HMCN2: variants seen among roughly 807,000 people sequenced by gnomAD.
The protein encoded by HMCN2 is hemicentin 2, also known as hemicentin-2.
Under a neutral mutation model 377.5 loss-of-function variants are expected in HMCN2, and 325 were observed. The observed-to-expected ratio is 0.86, with a 90% CI of 0.79 to 0.94. HMCN2 has a LOEUF of 0.94. Among genes scored for constraint, HMCN2 ranks in the 40% least tolerant of loss-of-function variants. HMCN2 has a pLI of 0.00. For synonymous variants in HMCN2, 2,007 were observed against 2,046.8 expected, an observed-to-expected ratio of 0.98 and a Z score of 0.53; for missense variants, 4,543 against 4,725.3, an observed-to-expected ratio of 0.96 and a Z score of 1.13.
At chr9:130,431,346 C>T (rs750004333) in intron 95 of HMCN2, 21 bp from the exon 96 acceptor site, 1 of 1,547,262 alleles carries the variant, frequency 6.5e-7, no homozygotes, top group African/African-American at 1.4e-5. Flanking sequence ...CCCACCTGCC[C>T]CACCCCCATG....
Position 130,354,932 on chromosome 9 carries a change from C to A in HMCN2, c.5034C>A (p.Asp1678Glu), listed in dbSNP as rs142117460. The change falls in exon 32 of 98, where the codon GAC becomes GAA. Residue 1678 changes from aspartate (D) to glutamate (E), a missense_variant. Physicochemically the swap from Asp to Glu is conservative, Grantham distance 45. This residue lies in a region of HMCN2 where 1,032 missense variants were observed against 1,285.1 expected (regional missense o/e 0.80). Coordinates refer to ENST00000683500, the MANE Select transcript of HMCN2 (RefSeq NM_001291815.2). The part of the protein sequence containing the change: ...AESNESRLET[D>E]GSVLRLESPG... The stretch of plus-strand genomic sequence containing the variant: ...GCAACGAGTCGCGGCTGGAGACAGA[C>A]GGGAGTGTGCTGAGGCTGGAGAGCC... 7.7e-7 allele frequency: 1 copy of A among 1,303,602 alleles called. No homozygotes were observed. The highest frequency in any genetic ancestry group is 1.5e-5 in the African/African-American group (1 of 65,872). The allele number at this position is 1,303,602 out of a possible 1,614,324, so 80.8% of individuals were successfully genotyped here.
chr9:130,396,242 G>C lies in HMCN2; in HGVS notation c.11127G>C (p.Gln3709His). 2.3e-6 allele frequency: 3 copies of C among 1,287,186 alleles called. No homozygotes were observed. Among genetic ancestry groups the C allele is most frequent in the Non-Finnish European group, 3.0e-6 (3 of 986,640 alleles). The allele number at this position is 1,287,186 out of a possible 1,614,324, so 79.7% of individuals were successfully genotyped here. ...ACCAGACAGCCCTGCTGCCTTGCCA[G>C]GCCGACGGCGTGCCCGCACCCCTCG... ...SVNQTALLPC[Q>H]ADGVPAPLVS... The change falls in exon 73 of 98, where the codon CAG becomes CAC. Residue 3709 changes from glutamine to histidine, a missense_variant. Gln to His is a conservative substitution (Grantham distance 24). Coordinates refer to ENST00000683500, the MANE Select transcript of HMCN2 (RefSeq NM_001291815.2).
chr9:130,385,128 C>G (rs368495898), intron 59 of HMCN2, among the ~76,000 whole-genome samples: 1 of 152,132 alleles, frequency 6.6e-6, no homozygotes, highest in African/African-American at 2.4e-5. Context: ...TTTCTAGCCC[C>G]GGGGCTGGTC....
At chr9:130,378,050 G>A (rs1056293099) in intron 53 of HMCN2, among the ~76,000 whole-genome samples, 1 of 152,056 alleles carries the variant, frequency 6.6e-6, no homozygotes. Context: ...TGGTCTGGTT[G>A]AGCCAGAACG....
intron 1 of HMCN2, 121 bp downstream of exon 1, chr9:130,266,258 G>T: frequency 2.8e-6 from 1 of 357,256 alleles, no homozygotes; most frequent in Non-Finnish European, 5.5e-6. Context: ...CTTGGCGGGC[G>T]CGCCTTCTCG....
At chr9:130,312,582 TTCTTTCTTTCTTTC>T (rs1837322523) in intron 15 of HMCN2, among the ~76,000 whole-genome samples, 1 of 94,238 alleles carries the variant, frequency 1.1e-5, no homozygotes, top group Non-Finnish European at 2.1e-5. Flanking sequence ...CTTTCTTTCT[TTCTTTCTTTCTTTC>T]TTTCTTTCTT....
In HMCN2 at chr9:130,347,692, TG is replaced by T. The variant is rs1298027330; in HGVS notation, c.4024+333del. Reference sequence around the variant, plus strand: ...GCACCTGGAATTCCATCAGTGTCTTTGAGATTGGTCTAGAGGTGAAGGCATT... The same window carrying T: ...GCACCTGGAATTCCATCAGTGTCTTTAGATTGGTCTAGAGGTGAAGGCATT... On this transcript the variant is annotated intron_variant, in intron 26 of 97. Coordinates refer to ENST00000683500, the MANE Select transcript of HMCN2 (RefSeq NM_001291815.2). The surrounding 1 kb of genome is among the most constrained non-coding windows in gnomAD (Gnocchi z 5.1). Among the ~76,000 whole-genome samples, 1 of 151,950 alleles carries T rather than the reference TG, an allele frequency of 6.6e-6. No homozygotes were observed. The highest frequency in any genetic ancestry group is 2.4e-5 in the African/African-American group (1 of 41,360).
rs1013697315 is a variant in HMCN2 at position 130,379,372 on chromosome 9, T to A, written c.8336T>A (p.Leu2779Gln). ...ATCGTGGAGAACAACCCAGCCTACC[T>A]GTACTGCGACACCAACGCGATCCCA... ...REIVENNPAYLYCDTNAIPPP... is the reference protein window; with the variant it reads ...REIVENNPAYQYCDTNAIPPP... Residue 2779 changes from leucine (L) to glutamine (Q), a missense_variant, in exon 54 of 98, where the codon CTG becomes CAG. Around this residue, in one of 5 missense-constraint regions of HMCN2, gnomAD observed 736 missense variants for 773.2 expected, o/e 0.95. Transcript: ENST00000683500. The A allele has an allele frequency of 9.1e-6, 9 of 985,674 alleles. No individual in the cohort carries two copies. The highest frequency in any genetic ancestry group is 1.1e-5 in the Non-Finnish European group (9 of 829,944). The allele number at this position is 985,674 out of a possible 1,614,324, so 61.1% of individuals were successfully genotyped here.
chr9:130,430,289 A>C lies in HMCN2; in HGVS notation c.14332A>C (p.Asn4778His). The C allele has an allele frequency of 6.5e-7, 1 of 1,537,482 alleles. No individual in the cohort carries two copies. The highest frequency in any genetic ancestry group is 8.7e-7 in the Non-Finnish European group (1 of 1,145,172). Residue 4778 changes from asparagine to histidine, a missense_variant, in exon 95 of 98, where the codon AAT (asparagine) becomes CAT (histidine). Around this residue, in one of 5 missense-constraint regions of HMCN2, gnomAD observed 1,155 missense variants for 1,157.7 expected, o/e 1.00. Transcript: ENST00000683500. ...CTGACCCCACCCGTCTGCAGATGTCAATGAGTGCCTGCAGCTGCCCAAGGC... is the reference window on the plus strand; with the variant it reads ...CTGACCCCACCCGTCTGCAGATGTCCATGAGTGCCTGCAGCTGCCCAAGGC... ...QGPSLPCLDV[N>H]ECLQLPKACA...
chr9:130,396,329 G>T lies in HMCN2; in HGVS notation c.11198+16G>T. The T allele has an allele frequency of 2.4e-6, 3 of 1,260,440 alleles. No homozygotes were observed. Among genetic ancestry groups the T allele is most frequent in the Non-Finnish European group, 3.1e-6 (3 of 965,432 alleles). The allele number at this position is 1,260,440 out of a possible 1,614,324, so 78.1% of individuals were successfully genotyped here. ...GGAGCCCCAGGTGGGAGAGGGAAGGGGTGGGCCTCAGGGAGGCTCTCAGGT... is the reference window on the plus strand; with the variant it reads ...GGAGCCCCAGGTGGGAGAGGGAAGGTGTGGGCCTCAGGGAGGCTCTCAGGT... On this transcript the variant is annotated intron_variant, in intron 73 of 97. Coordinates refer to ENST00000683500, the MANE Select transcript of HMCN2 (RefSeq NM_001291815.2).
rs1841272992 is a variant in HMCN2, at chr9:130,374,574, C to T, written c.7511C>T (p.Ser2504Phe). Residue 2504 changes from serine to phenylalanine, a missense_variant, in exon 49 of 98, where the codon TCC (serine) becomes TTC (phenylalanine). Ser to Phe is a radical substitution (Grantham distance 155). This residue lies in a region of HMCN2 where 736 missense variants were observed against 773.2 expected (regional missense o/e 0.95). Transcript: ENST00000683500. The stretch of plus-strand genomic sequence containing the variant: ...GCTAGGGGAGATGCTCACCACATCT[C>T]CCCAGACGGAGTCCTCCTGCAGGTC... ...PLARGDAHHI[S>F]PDGVLLQVLQ... The T allele has an allele frequency of 5.1e-6, 5 of 985,810 alleles. No individual in the cohort carries two copies. In the South Asian group the frequency reaches 2.3e-4, roughly 46 times the overall value. 61.1% of individuals were successfully genotyped at this position (985,810 alleles called of 1,614,324 possible).
chr9:130,276,194 T>TAATC (rs1834684783), intron 1 of HMCN2, among the ~76,000 whole-genome samples: 2 of 151,808 alleles, frequency 1.3e-5, no homozygotes, highest in African/African-American at 4.8e-5. Context: ...CTGCACCCAT[T>TAATC]AATCACTTAC....
In HMCN2 at chr9:130,428,262, G is replaced by A. The variant is rs1268849437; in HGVS notation, c.14066-96G>A. Reference sequence around the variant, plus strand: ...TCCTGCCAGTGGCTCCTGGGCCTGCGGACGAAGCCTCTGTGGATAGGCCGG... The same window carrying A: ...TCCTGCCAGTGGCTCCTGGGCCTGCAGACGAAGCCTCTGTGGATAGGCCGG... On this transcript the variant is annotated intron_variant, in intron 92 of 97. Transcript: ENST00000683500. The surrounding 1 kb of genome is among the most constrained non-coding windows in gnomAD (Gnocchi z 5.0). The A allele has an allele frequency of 6.5e-6, 9 of 1,385,292 alleles. No individual in the cohort carries two copies. Among genetic ancestry groups the A allele is most frequent in the Admixed American group, 5.2e-5 (2 of 38,626 alleles). The allele number at this position is 1,385,292 out of a possible 1,614,324, so 85.8% of individuals were successfully genotyped here. A position where few individuals can be genotyped will look rare whatever the true frequency, so the allele number is the denominator to read the frequency against.
At chr9:130,282,562 A>G (rs970412029) in intron 1 of HMCN2, among the ~76,000 whole-genome samples, 32 of 152,294 alleles carry the variant, frequency 2.1e-4, no homozygotes, top group African/African-American at 6.7e-4. Flanking sequence ...GAGGGAGGAC[A>G]GGGTGGGACG....
In HMCN2 at chr9:130,403,051, A is replaced by C. The variant is rs1188141563; in HGVS notation, c.11879-143A>C. ...TTCTTTGGCAGGAAAAGAATCAGCC[A>C]TGGCGTCCTTGTTGCTGTGGCCGAT... On this transcript the variant is annotated intron_variant, in intron 78 of 97. Coordinates refer to ENST00000683500, the MANE Select transcript of HMCN2 (RefSeq NM_001291815.2). The C allele has an allele frequency of 7.7e-6, 8 of 1,042,356 alleles. 1 individual carries two copies. The highest frequency in any genetic ancestry group is 1.0e-5 in the Non-Finnish European group (8 of 797,554). 64.6% of individuals were successfully genotyped at this position (1,042,356 alleles called of 1,614,324 possible).
At chr9:130,407,327 A>C (rs559322405) in intron 82 of HMCN2, 24 of 269,448 alleles carry the variant, frequency 8.9e-5, no homozygotes, top group South Asian at 1.9e-4. Flanking sequence ...AGAGGCCCCC[A>C]AAAACCTGCC....
intron 76 of HMCN2, chr9:130,400,213 A>T: frequency 6.5e-6 from 1 of 152,770 alleles, no homozygotes; most frequent in Admixed American, 6.5e-5. Context: ...GAAACCCACG[A>T]GTAACCCCCT....
At position 130,348,056 on chromosome 9, in the gene HMCN2, A is replaced by C. The variant is rs1317209599; in HGVS notation, c.4025-489A>C. The C allele has an allele frequency of 1.3e-4, 125 of 985,268 alleles. 1 individual carries two copies. The highest frequency in any genetic ancestry group is 2.4e-6 in the Non-Finnish European group (2 of 829,850). The allele number at this position is 985,268 out of a possible 1,614,324, so 61.0% of individuals were successfully genotyped here. ...CACGGGCAGTGTGGGTGGGCTGGGG[A>C]GTGGTCTCTGTCGGCAGGATGAACT... On this transcript the variant is annotated intron_variant, in intron 26 of 97. Coordinates refer to ENST00000683500, the MANE Select transcript of HMCN2 (RefSeq NM_001291815.2).
At chr9:130,433,200 G>A (rs1844866569) in intron 97 of HMCN2, 148 bp from the exon 98 acceptor site, 2 of 585,804 alleles carry the variant, frequency 3.4e-6, no homozygotes, top group Non-Finnish European at 5.5e-6. Context: ...GGAGCCTGCA[G>A]AGAAGGCGTG....
Sources: gnomAD v4.1 joint callset for allele counts (sites outside exome capture counted in the v4.1 genomes callset) on GRCh38, gnomAD v4.1.1 for gene constraint, gnomAD v4.1.1 regional missense constraint, Gnocchi (gnomAD v3.1) non-coding constraint, MANE v1.5 for transcripts, NCBI Gene and HGNC (gene_info 2026-07-23, HGNC 2026-07-21) for gene names.